TENM2: variants seen among roughly 807,000 people sequenced by gnomAD.
TENM2 encodes teneurin-2.
Under a neutral mutation model 245.2 loss-of-function variants are expected in TENM2, and 52 were observed. That is an observed-to-expected ratio of 0.21 (90% CI 0.17 to 0.27). The LOEUF is 0.27. TENM2 is among the 10% of genes least tolerant of loss of function. TENM2 has a pLI of 1.00. For missense variants in TENM2, 3,046 were observed against 3,666.8 expected (o/e 0.83, Z 4.37); for synonymous variants, 1,363 against 1,438.9 (o/e 0.95, Z 1.19).
Position 167,336,900 on chromosome 5 carries a change from G to T in TENM2, c.227-38298G>T, listed in dbSNP as rs1258631978. On this transcript the variant is annotated intron_variant, in intron 1 of 28. Coordinates refer to ENST00000518659, the Ensembl canonical transcript of TENM2. ...TGGGAGGCCGAGGCGGGTGGATCAT[G>T]AGGTCAGGAGATCGAGACCATCCTG... 7.3e-5 allele frequency among the ~76,000 whole-genome samples: 11 copies of T among 151,282 alleles called. No individual in the cohort carries two copies. In the East Asian group the frequency reaches 2.1e-3, roughly 29 times the overall value.
chr5:167,182,677 C>T, the TENM2 span, among the ~76,000 whole-genome samples: 33 of 151,986 alleles, frequency 2.2e-4, no homozygotes, highest in East Asian at 2.1e-3. Flanking sequence ...TTATTTTTGA[C>T]GGGAGGAATG....
chr5:167,909,798 T>C (rs1271441060), intron 3 of TENM2, among the ~76,000 whole-genome samples: 1 of 152,118 alleles, frequency 6.6e-6, no homozygotes, highest in Non-Finnish European at 1.5e-5. Flanking sequence ...AACATAAATA[T>C]AGAACAGACT....
At chr5:167,374,706 G>A (rs994808142) in intron 1 of TENM2, among the ~76,000 whole-genome samples, 6 of 151,986 alleles carry the variant, frequency 3.9e-5, no homozygotes, top group African/African-American at 1.5e-4. Context: ...ATCAGATCCA[G>A]GTATTGCGAC....
intron 2 of TENM2, among the ~76,000 whole-genome samples, chr5:167,470,021 A>C (rs1205246527): frequency 6.6e-6 from 1 of 152,126 alleles, no homozygotes; most frequent in African/African-American, 2.4e-5. Flanking sequence ...TCTCTTTACG[A>C]GTTGAATAAA....
chr5:168,016,419 C>T (rs943407922), intron 5 of TENM2, among the ~76,000 whole-genome samples: 27 of 152,362 alleles, frequency 1.8e-4, no homozygotes, highest in African/African-American at 6.5e-4. Context: ...TAGTGAGTTC[C>T]TGCAACATTT....
the TENM2 span, among the ~76,000 whole-genome samples, chr5:167,227,277 A>G: frequency 6.6e-6 from 1 of 151,700 alleles, no homozygotes; most frequent in East Asian, 1.9e-4. Context: ...TTAGTTTGTT[A>G]TAGTAGTTTG....
chr5:167,401,456 TA>T (rs1320776468), intron 2 of TENM2, among the ~76,000 whole-genome samples: 15 of 152,206 alleles, frequency 9.9e-5, no homozygotes, highest in Non-Finnish European at 7.4e-5. Context: ...TCATAATTTA[TA>T]TAGCATTTGA....
intron 5 of TENM2, among the ~76,000 whole-genome samples, chr5:168,037,195 A>T (rs78131034): frequency 2.3e-3 from 347 of 152,284 alleles, no homozygotes; most frequent in African/African-American, 7.8e-3. Context: ...GTTTGAAAAA[A>T]TCTTGAGCTA....
intron 2 of TENM2, among the ~76,000 whole-genome samples, chr5:167,395,815 A>G (rs1411378134): frequency 6.6e-6 from 1 of 152,168 alleles, no homozygotes; most frequent in African/African-American, 2.4e-5. Flanking sequence ...CCAGGAACCT[A>G]TAGATAATTT....
the TENM2 span, among the ~76,000 whole-genome samples, chr5:167,256,079 T>G: frequency 3.3e-5 from 5 of 152,326 alleles, no homozygotes; most frequent in East Asian, 9.7e-4. Flanking sequence ...CTTTTGGCTT[T>G]GGCTTTTGGG....
chr5:167,654,492 T>G (rs1460599996), intron 2 of TENM2, among the ~76,000 whole-genome samples: 1 of 152,180 alleles, frequency 6.6e-6, no homozygotes, highest in East Asian at 1.9e-4. Flanking sequence ...CAATACGTGT[T>G]AGGCGAACTC....
chr5:168,246,921 T>C (rs1180851718), exon 27 of TENM2: 1 of 1,614,004 alleles, frequency 6.2e-7, no homozygotes, highest in East Asian at 2.2e-5. Context: ...AAAGCAATGC[T>C]TCGGTCATCT....
intron 2 of TENM2, among the ~76,000 whole-genome samples, chr5:167,498,134 G>A (rs139270377): frequency 1.1e-3 from 166 of 152,174 alleles, no homozygotes; most frequent in Middle Eastern, 6.8e-3. Context: ...TTGTCCTAAT[G>A]AGCAGCATGC....
intron 1 of TENM2, among the ~76,000 whole-genome samples, chr5:167,290,816 T>C (rs1184740239): frequency 6.6e-6 from 1 of 152,008 alleles, no homozygotes; most frequent in East Asian, 1.9e-4. Context: ...GGTAGTGTCA[T>C]AGGATACAAA....
intron 1 of TENM2, among the ~76,000 whole-genome samples, chr5:167,352,658 G>C (rs17068360): frequency 6.6e-6 from 1 of 152,112 alleles, no homozygotes; most frequent in South Asian, 2.1e-4. Flanking sequence ...GATCTACATA[G>C]CAACAATACA....
At chr5:167,178,989 C>T in the TENM2 span, among the ~76,000 whole-genome samples, 2 of 152,142 alleles carry the variant, frequency 1.3e-5, no homozygotes, top group African/African-American at 4.8e-5. Flanking sequence ...ACCTTATATA[C>T]ATCAATGAGG....
rs558131085 is a variant in TENM2 at position 167,628,522 on chromosome 5, C to A, written c.503-247464C>A. On this transcript the variant is annotated intron_variant, in intron 2 of 28. Coordinates refer to ENST00000518659, the Ensembl canonical transcript of TENM2. ...TGTGATAGTGTTCTACCTCCTAAAACTATATTACAGGCCCCTGTCAGTACC... is the reference window on the plus strand; with the variant it reads ...TGTGATAGTGTTCTACCTCCTAAAAATATATTACAGGCCCCTGTCAGTACC... Among the ~76,000 whole-genome samples the A allele has an allele frequency of 2.6e-5, 4 of 152,306 alleles. No individual in the cohort carries two copies. The East Asian group carries it at 5.8e-4, about 22-fold the overall frequency.
At chr5:168,143,069 G>C (rs1039361926) in intron 12 of TENM2, among the ~76,000 whole-genome samples, 3 of 152,168 alleles carry the variant, frequency 2.0e-5, no homozygotes, top group Non-Finnish European at 4.4e-5. Context: ...CATTTTTAGG[G>C]AGTCAAGAGC....
At position 168,086,577 on chromosome 5, in the gene TENM2, A is replaced by G. The variant is rs188973419; in HGVS notation, c.1516-3997A>G. Among the ~76,000 whole-genome samples, 199 of 152,188 alleles carry G rather than the reference A, an allele frequency of 1.3e-3. 3 individuals carry two copies. The South Asian group carries it at 0.021, about 16-fold the overall frequency. The stretch of plus-strand genomic sequence containing the variant: ...GAGACACAAGCGGCTTTGGGAGGCA[A>G]ACTTCCTCCCGCAGCCAGCCGGTGC... On this transcript the variant is annotated intron_variant, in intron 7 of 28. Transcript: ENST00000518659.
Sources: allele counts gnomAD v4.1 joint callset (sites outside exome capture counted in the v4.1 genomes callset), GRCh38; gene constraint gnomAD v4.1.1; transcripts MANE v1.5; gene names NCBI Gene and HGNC (gene_info 2026-07-23, HGNC 2026-07-21).